The following PTPRU variants were observed in gnomAD, a reference collection of about 807,000 sequenced individuals.
The protein encoded by PTPRU is receptor-type tyrosine-protein phosphatase U.
A neutral mutation model predicts 166.3 loss-of-function variants in PTPRU; 69 were observed. The observed-to-expected ratio is 0.41, with a 90% CI of 0.34 to 0.51. PTPRU has a LOEUF of 0.51. PTPRU is among the 20% of genes least tolerant of loss of function. The pLI is 0.09. For synonymous variants in PTPRU, 793 were observed against 814.0 expected, an observed-to-expected ratio of 0.97 and a Z score of 0.44; for missense variants, 1,657 against 2,013.7, an observed-to-expected ratio of 0.82 and a Z score of 3.39.
intron 8 of PTPRU, among the ~76,000 whole-genome samples, chr1:29,278,120 C>T (rs1478152011): frequency 1.3e-5 from 2 of 152,048 alleles, no homozygotes; most frequent in African/African-American, 4.8e-5. Context: ...CGTGCCCAGC[C>T]AGTTGTCCTT....
intron 1 of PTPRU, among the ~76,000 whole-genome samples, chr1:29,240,387 C>T (rs547530938): frequency 7.2e-5 from 11 of 152,216 alleles, no homozygotes; most frequent in South Asian, 6.2e-4. Flanking sequence ...CCTGGCCCAC[C>T]GGGTCTGAAT....
At chr1:29,313,265 G>C (rs1479570348) in intron 22 of PTPRU, among the ~76,000 whole-genome samples, 1 of 152,040 alleles carries the variant, frequency 6.6e-6, no homozygotes, top group African/African-American at 2.4e-5. Flanking sequence ...GTCTCCCCCT[G>C]GAGAGCGTAA....
intron 18 of PTPRU, 53 bp from the exon 19 acceptor site, chr1:29,310,691 G>A: frequency 1.3e-6 from 2 of 1,560,654 alleles, no homozygotes; most frequent in South Asian, 2.2e-5. Context: ...GAGGTGTGGG[G>A]GAGTGAGGGG....
chr1:29,254,427 T>G (rs1178870583), intron 1 of PTPRU, among the ~76,000 whole-genome samples: 1 of 152,222 alleles, frequency 6.6e-6, no homozygotes, highest in Non-Finnish European at 1.5e-5. Context: ...CAACTGTTAG[T>G]ACTGGTTGCA....
intron 1 of PTPRU, among the ~76,000 whole-genome samples, chr1:29,242,563 C>T (rs993102182): frequency 2.0e-5 from 3 of 152,242 alleles, no homozygotes; most frequent in African/African-American, 4.8e-5. Flanking sequence ...TTCAATCCCT[C>T]AGTTGCACTA....
At chr1:29,254,966 A>G (rs1684710034) in intron 1 of PTPRU, among the ~76,000 whole-genome samples, 1 of 152,114 alleles carries the variant, frequency 6.6e-6, no homozygotes, top group South Asian at 2.1e-4. Flanking sequence ...TAATATAGCA[A>G]TCCTGATAAC....
At chr1:29,298,948 C>T (rs917168343) in intron 15 of PTPRU, among the ~76,000 whole-genome samples, 8 of 152,178 alleles carry the variant, frequency 5.3e-5, no homozygotes, top group African/African-American at 1.4e-4. Context: ...ATGGCTAGCT[C>T]TTATTACAGG....
intron 15 of PTPRU, among the ~76,000 whole-genome samples, chr1:29,300,053 G>A (rs9426316): frequency 6.6e-6 from 1 of 152,028 alleles, no homozygotes; most frequent in African/African-American, 2.4e-5. Context: ...TGCCAGGCAC[G>A]GGGCTGGGTG....
At chr1:29,277,803 CTTTTTTTTTTTTTTTTTTTTTTTT>C (rs71586898) in intron 8 of PTPRU, among the ~76,000 whole-genome samples, 2 of 50,564 alleles carry the variant, frequency 4.0e-5, no homozygotes, top group African/African-American at 1.8e-4. Context: ...AGTTGTCATT[CTTTTTTTTTTTTTTTTTTTTTTTT>C]TTTTTTTTTG....
At position 29,305,342 on chromosome 1, in the gene PTPRU, G is replaced by A; in HGVS notation, c.2744-10G>A. 6.2e-7 allele frequency: 1 copy of A among 1,613,718 alleles called. No homozygotes were observed. Among genetic ancestry groups the A allele is most frequent in the Non-Finnish European group, 8.5e-7 (1 of 1,180,000 alleles). ...AGTTCAGCCCCTGCCCACCTGCTCT[G>A]TGTTTACAGATGATCGGCACCGAGT... On this transcript the variant is annotated splice_polypyrimidine_tract_variant and intron_variant, in intron 17 of 29. Transcript: ENST00000373779.
chr1:29,309,337 C>G (rs1687544689), intron 18 of PTPRU, among the ~76,000 whole-genome samples: 1 of 152,076 alleles, frequency 6.6e-6, no homozygotes, highest in Non-Finnish European at 1.5e-5. Context: ...ATTTATGTCT[C>G]AAGAAAGACT....
chr1:29,312,951 G>A (rs1687735552), intron 22 of PTPRU, among the ~76,000 whole-genome samples: 1 of 152,176 alleles, frequency 6.6e-6, no homozygotes, highest in Non-Finnish European at 1.5e-5. Flanking sequence ...GGAGGCACTG[G>A]AGATAGGGAG....
chr1:29,325,504 G>T, intron 29 of PTPRU, 95 bp from the exon 30 acceptor site: 2 of 1,514,682 alleles, frequency 1.3e-6, no homozygotes, highest in Non-Finnish European at 1.8e-6. Context: ...CTGGGCTCGG[G>T]CTCGTGCTTG....
intron 15 of PTPRU, among the ~76,000 whole-genome samples, chr1:29,298,280 A>T (rs1056935580): frequency 1.3e-5 from 2 of 151,600 alleles, no homozygotes; most frequent in Non-Finnish European, 2.9e-5. Context: ...AAAAGACAAA[A>T]AAAAAAAAAC....
rs78690298 is a variant in PTPRU, at chr1:29,275,134, C to T, written c.1145-314C>T. ...CATCCTTTGTGTGTATTTCCTTAAA[C>T]CTTACAATGATCCTATGAGGCAGGG... On this transcript the variant is annotated intron_variant, in intron 7 of 29. Coordinates refer to ENST00000373779, the MANE Select transcript of PTPRU (RefSeq NM_133178.4). 3.8e-3 allele frequency among the ~76,000 whole-genome samples: 583 copies of T among 151,586 alleles called. 8 individuals are homozygous for T. Among genetic ancestry groups the T allele is most frequent in the African/African-American group, 0.013 (519 of 41,310 alleles).
intron 28 of PTPRU, among the ~76,000 whole-genome samples, chr1:29,324,421 AG>A (rs59145219): frequency 0.031 from 4,704 of 152,310 alleles, 201 homozygotes; most frequent in African/African-American, 0.089. Flanking sequence ...GCCATTCCCC[AG>A]GAGGCACCCC....
chr1:29,323,457 C>T lies in PTPRU; in HGVS notation c.3915C>T (p.Asp1305=), dbSNP rs1688255771. The T allele has an allele frequency of 5.6e-6, 9 of 1,603,622 alleles. No individual in the cohort carries two copies. Among genetic ancestry groups the T allele is most frequent in the Non-Finnish European group, 7.7e-6 (9 of 1,175,280 alleles). ...VEFMSGTADE[D]LVARVFRVQN... is the part of the protein sequence containing the mutation. ...TTATGTCGGGCACAGCTGATGAAGA[C>T]TTAGTGGCTCGAGTCTTCCGGGTGC... is the stretch of plus-strand genomic sequence containing the variant. Residue 1305 remains aspartate, a synonymous_variant, in exon 27 of 30, where the codon GAC becomes GAT. Transcript: ENST00000373779.
At chr1:29,251,722 C>T (rs1684551904) in intron 1 of PTPRU, among the ~76,000 whole-genome samples, 1 of 152,196 alleles carries the variant, frequency 6.6e-6, no homozygotes, top group Admixed American at 6.5e-5. Flanking sequence ...CCCAGGCTCT[C>T]CCCAGGGTGG....
chr1:29,305,251 C>A, intron 17 of PTPRU, 101 bp from the exon 18 acceptor site: 2 of 1,157,800 alleles, frequency 1.7e-6, no homozygotes, highest in Non-Finnish European at 2.6e-6. Context: ...TCCCTGGCTG[C>A]CCTGCCTGTG....
Sources: allele counts gnomAD v4.1 joint callset (sites outside exome capture counted in the v4.1 genomes callset), GRCh38; gene constraint gnomAD v4.1.1; transcripts MANE v1.5; gene names NCBI Gene and HGNC (gene_info 2026-07-23, HGNC 2026-07-21).